PTPRD: variants seen among roughly 807,000 people sequenced by gnomAD.
The protein encoded by PTPRD is protein tyrosine phosphatase receptor type D, also known as receptor-type tyrosine-protein phosphatase delta.
Under a neutral mutation model 214.5 loss-of-function variants are expected in PTPRD, and 34 were observed. The ratio of observed to expected loss-of-function variants is 0.16; its 90% CI spans 0.12 to 0.21. The LOEUF is 0.21. PTPRD is among the 10% of genes least tolerant of loss of function. PTPRD has a pLI of 1.00. For missense variants in PTPRD, 2,545 were observed against 2,398.7 expected, an observed-to-expected ratio of 1.06 and a Z score of -1.27; for synonymous variants, 1,128 against 845.7, an observed-to-expected ratio of 1.33 and a Z score of -5.79.
chr9:8,731,142 T>C (rs1211537860), intron 12 of PTPRD, among the ~76,000 whole-genome samples: 2 of 152,220 alleles, frequency 1.3e-5, no homozygotes, highest in African/African-American at 2.4e-5. Flanking sequence ...AGTACTTTGC[T>C]ATGACATTCT....
chr9:9,302,002 C>T (rs1426985779), intron 9 of PTPRD, among the ~76,000 whole-genome samples: 2 of 151,804 alleles, frequency 1.3e-5, no homozygotes, highest in East Asian at 1.9e-4. Context: ...ATCAGCCTGC[C>T]GTGGCTGTAA....
intron 7 of PTPRD, among the ~76,000 whole-genome samples, chr9:9,713,412 G>C (rs1255603823): frequency 1.3e-5 from 2 of 152,034 alleles, no homozygotes; most frequent in African/African-American, 4.8e-5. Context: ...GCATTATGGA[G>C]GACAGCAAGA....
chr9:10,089,236 A>AATAAATAAATAAATAAATAG (rs531093721), intron 3 of PTPRD, among the ~76,000 whole-genome samples: 7 of 150,828 alleles, frequency 4.6e-5, no homozygotes, highest in African/African-American at 1.2e-4. Flanking sequence ...TAAATAAATA[A>AATAAATAAATAAATAAATAG]ATAGAAATAA....
At chr9:10,400,210 G>A (rs1340517830) in intron 2 of PTPRD, among the ~76,000 whole-genome samples, 1 of 151,628 alleles carries the variant, frequency 6.6e-6, no homozygotes, top group Non-Finnish European at 1.5e-5. Context: ...ATAAAAGAAG[G>A]ATAATAATAG....
chr9:8,762,581 G>C (rs10977286), intron 11 of PTPRD, among the ~76,000 whole-genome samples: 1 of 152,044 alleles, frequency 6.6e-6, no homozygotes, highest in African/African-American at 2.4e-5. Flanking sequence ...AACCTATCAT[G>C]TCACCAGATG....
intron 11 of PTPRD, among the ~76,000 whole-genome samples, chr9:8,778,446 G>A (rs2095566726): frequency 6.6e-6 from 1 of 152,080 alleles, no homozygotes; most frequent in African/African-American, 2.4e-5. Context: ...CGCTACCTCT[G>A]GATAACAGAG....
At chr9:9,163,847 A>G (rs947820745) in intron 10 of PTPRD, among the ~76,000 whole-genome samples, 2 of 152,122 alleles carry the variant, frequency 1.3e-5, no homozygotes, top group Admixed American at 6.5e-5. Context: ...TCTTGTCCAC[A>G]TCTAAGGCTT....
intron 6 of PTPRD, among the ~76,000 whole-genome samples, chr9:9,754,434 C>G (rs536254178): frequency 1.3e-5 from 2 of 151,936 alleles, no homozygotes; most frequent in East Asian, 3.9e-4. Context: ...ACTCGGTGAC[C>G]CTCTTCAAGT....
intron 6 of PTPRD, among the ~76,000 whole-genome samples, chr9:9,758,473 C>T (rs904023802): frequency 1.3e-5 from 2 of 152,060 alleles, no homozygotes; most frequent in Non-Finnish European, 2.9e-5. Context: ...TAGAAGTGCC[C>T]TCAAGAAGTA....
intron 10 of PTPRD, among the ~76,000 whole-genome samples, chr9:9,181,343 G>GT (rs1222578326): frequency 6.6e-6 from 1 of 151,804 alleles, no homozygotes; most frequent in East Asian, 1.9e-4. Flanking sequence ...AGGTAGTTAT[G>GT]TTTTTTTCTG....
At chr9:9,560,782 T>C (rs1173861382) in intron 8 of PTPRD, among the ~76,000 whole-genome samples, 1 of 151,832 alleles carries the variant, frequency 6.6e-6, no homozygotes, top group African/African-American at 2.4e-5. Flanking sequence ...CAGCTTAAAG[T>C]AGCTTTCTCA....
In PTPRD at chr9:8,952,883, C is replaced by T. The variant is rs567747610; in HGVS notation, c.-104+65814G>A. ...CCTGAAGTCCCAAGATTCATATAAG[C>T]AATGAAAGCATAACAAAGAAGAATC... is the stretch of plus-strand genomic sequence containing the variant. On this transcript the variant is annotated intron_variant, in intron 11 of 45. Coordinates refer to ENST00000381196, the MANE Select transcript of PTPRD (RefSeq NM_002839.4). 6.6e-5 allele frequency among the ~76,000 whole-genome samples: 10 copies of T among 151,922 alleles called. No homozygotes were observed. In the South Asian group the frequency reaches 2.1e-3, roughly 32 times the overall value.
At chr9:8,797,021 C>T (rs181156941) in intron 11 of PTPRD, 1 of 151,756 alleles carries the variant, frequency 6.6e-6, no homozygotes, top group East Asian at 1.9e-4. Flanking sequence ...TTAATTGAAA[C>T]AGTCCATTCC....
At chr9:9,287,437 T>C (rs1949859965) in intron 9 of PTPRD, among the ~76,000 whole-genome samples, 1 of 151,884 alleles carries the variant, frequency 6.6e-6, no homozygotes, top group Admixed American at 6.6e-5. Flanking sequence ...GATTACCAGA[T>C]TGTAGCTACT....
At chr9:10,082,345 C>T (rs773283787) in intron 3 of PTPRD, among the ~76,000 whole-genome samples, 2 of 152,078 alleles carry the variant, frequency 1.3e-5, no homozygotes, top group Non-Finnish European at 2.9e-5. Flanking sequence ...GTCCCAAACA[C>T]GGTCAAGATG....
At chr9:8,475,175 C>T (rs1381791447) in intron 30 of PTPRD, among the ~76,000 whole-genome samples, 1 of 152,188 alleles carries the variant, frequency 6.6e-6, no homozygotes, top group East Asian at 1.9e-4. Flanking sequence ...TGCCTCCTCA[C>T]TCCACCTCAC....
At chr9:9,194,750 T>A (rs1219908578) in intron 9 of PTPRD, among the ~76,000 whole-genome samples, 1 of 152,138 alleles carries the variant, frequency 6.6e-6, no homozygotes, top group Non-Finnish European at 1.5e-5. Flanking sequence ...GGGAAAATAG[T>A]TCTAATAGCA....
At chr9:8,662,106 G>C (rs895100356) in intron 12 of PTPRD, among the ~76,000 whole-genome samples, 3 of 152,004 alleles carry the variant, frequency 2.0e-5, no homozygotes. Flanking sequence ...TTTTCATAGA[G>C]CTTTTCAAAA....
At chr9:10,263,261 A>G (rs1167724341) in intron 3 of PTPRD, among the ~76,000 whole-genome samples, 3 of 152,210 alleles carry the variant, frequency 2.0e-5, no homozygotes, top group African/African-American at 2.4e-5. Flanking sequence ...GGAACTGAGT[A>G]ACAGGCAGAG....
Sources: gnomAD v4.1 joint callset for allele counts (sites outside exome capture counted in the v4.1 genomes callset) on GRCh38, gnomAD v4.1.1 for gene constraint, MANE v1.5 for transcripts, NCBI Gene and HGNC (gene_info 2026-07-23, HGNC 2026-07-21) for gene names.